Variants in B4GALNT3 observed in about 807,000 individuals in gnomAD.
B4GALNT3 encodes beta-1,4-N-acetylgalactosaminyltransferase 3.
A neutral mutation model predicts 120.2 loss-of-function variants in B4GALNT3; 86 were observed. The observed-to-expected ratio is 0.72, with a 90% CI of 0.60 to 0.86. The LOEUF is 0.86. Ranked by LOEUF, B4GALNT3 falls within the 40% of genes least tolerant of loss-of-function variation. The pLI, the probability that B4GALNT3 is intolerant of heterozygous loss-of-function variation, is 0.00. For missense variants in B4GALNT3, 1,167 were observed against 1,298.9 expected, an observed-to-expected ratio of 0.90 and a Z score of 1.56; for synonymous variants, 518 against 510.4, an observed-to-expected ratio of 1.01 and a Z score of -0.20.
intron 1 of B4GALNT3, among the ~76,000 whole-genome samples, chr12:469,852 A>G (rs1303990345): frequency 1.3e-5 from 2 of 152,068 alleles, no homozygotes; most frequent in South Asian, 2.1e-4. Flanking sequence ...GGGTCTCACT[A>G]TGTTGCTCAG....
rs1382546264 is a variant in B4GALNT3 at position 563,064 on chromosome 12, A to G, written c.*1613A>G. On this transcript the variant is annotated 3_prime_UTR_variant, in exon 20 of 20. Transcript: ENST00000266383. ...AATCCCTGCCTCCCTTTAAGGAATC[A>G]TGAAGGACAGAGACTTTTGAGATTG... is the stretch of plus-strand genomic sequence containing the variant. The G allele has an allele frequency of 6.6e-6, 1 of 152,328 alleles. No homozygotes were observed. The highest frequency in any genetic ancestry group is 1.5e-5 in the Non-Finnish European group (1 of 68,140). 9.4% of individuals were successfully genotyped at this position (152,328 alleles called of 1,614,324 possible). A position where few individuals can be genotyped will look rare whatever the true frequency, so the allele number is the denominator to read the frequency against.
chr12:520,567 T>TCGGCCAGCA (rs1167931296), intron 1 of B4GALNT3, among the ~76,000 whole-genome samples: 1 of 145,642 alleles, frequency 6.9e-6, no homozygotes, highest in Admixed American at 7.0e-5. Context: ...AGTAGTTTAA[T>TCGGCCAGCA]TGGCCATCAT....
At chr12:494,001 G>A (rs1378297976) in intron 1 of B4GALNT3, among the ~76,000 whole-genome samples, 1 of 152,232 alleles carries the variant, frequency 6.6e-6, no homozygotes, top group Non-Finnish European at 1.5e-5. Context: ...CAGGCACAGT[G>A]GCTCATGCTT....
intron 1 of B4GALNT3, among the ~76,000 whole-genome samples, chr12:512,734 CACCTTT>C (rs1946603817): frequency 7.0e-6 from 1 of 142,722 alleles, no homozygotes; most frequent in Non-Finnish European, 1.5e-5. Flanking sequence ...CACCTTCTTC[CACCTTT>C]GACCTTCCAC....
At chr12:511,866 A>T (rs1276660490) in intron 1 of B4GALNT3, among the ~76,000 whole-genome samples, 1 of 19,490 alleles carries the variant, frequency 5.1e-5, no homozygotes, top group Non-Finnish European at 9.0e-5. Flanking sequence ...ACCTTCTTCC[A>T]CCTTCCACCT....
rs1947029569 is a variant in B4GALNT3 at position 548,002 on chromosome 12, T to C, written c.708-22T>C. On this transcript the variant is annotated intron_variant, in intron 7 of 19. Transcript: ENST00000266383. This position sits in a 1 kb window ranked among gnomAD's most constrained non-coding sequence, Gnocchi z 4.9. ...GGGCCCATGGAGATGGCGCTCTGCT[T>C]CCCTGCCCTCTCTCCCGCCAGCCTG... The C allele has an allele frequency of 1.2e-6, 2 of 1,610,436 alleles. No homozygotes were observed. The highest frequency in any genetic ancestry group is 2.7e-5 in the African/African-American group (2 of 74,880).
intron 1 of B4GALNT3, among the ~76,000 whole-genome samples, chr12:466,525 CA>C (rs1427479804): frequency 2.0e-5 from 3 of 152,174 alleles, no homozygotes; most frequent in Non-Finnish European, 4.4e-5. Context: ...CCTTGTGATT[CA>C]CATAATTAAT....
intron 19 of B4GALNT3, among the ~76,000 whole-genome samples, chr12:560,670 G>A (rs534200737): frequency 1.4e-4 from 21 of 152,312 alleles, no homozygotes; most frequent in African/African-American, 5.1e-4. Context: ...TGGAAGCCTT[G>A]ATTTGGGAAG....
intron 7 of B4GALNT3, 52 bp downstream of exon 7, chr12:546,765 C>G: frequency 2.0e-6 from 3 of 1,501,108 alleles, no homozygotes; most frequent in African/African-American, 1.4e-5. Context: ...CTCGGTGGAG[C>G]CCGGCTGCGC....
chr12:511,307 A>C (rs796248460), intron 1 of B4GALNT3, among the ~76,000 whole-genome samples: 4 of 64,120 alleles, frequency 6.2e-5, no homozygotes, highest in Non-Finnish European at 9.4e-5. Context: ...TCCACCTTCC[A>C]CCTTCCGCCT....
chr12:479,915 CTTTT>C (rs55829689), intron 1 of B4GALNT3, among the ~76,000 whole-genome samples: 4 of 105,454 alleles, frequency 3.8e-5, no homozygotes, highest in Non-Finnish European at 3.9e-5. Flanking sequence ...ATGGGGAGTT[CTTTT>C]TTTTTTTTTT....
intron 1 of B4GALNT3, among the ~76,000 whole-genome samples, chr12:492,064 AAAAG>A (rs1304766008): frequency 1.3e-5 from 2 of 151,840 alleles, no homozygotes; most frequent in African/African-American, 4.8e-5. Flanking sequence ...TCAAAAAAAA[AAAAG>A]AACAAGGCAA....
At chr12:529,191 G>A (rs966204161) in intron 1 of B4GALNT3, among the ~76,000 whole-genome samples, 6 of 151,994 alleles carry the variant, frequency 3.9e-5, no homozygotes, top group Non-Finnish European at 5.9e-5. Context: ...AGACCTTTCC[G>A]CATCTCCCCC....
chr12:558,856 G>C (rs1947191193), intron 18 of B4GALNT3, among the ~76,000 whole-genome samples, 195 bp downstream of exon 18: 1 of 151,766 alleles, frequency 6.6e-6, no homozygotes. Context: ...CACAGCAGCA[G>C]GTGCAGCAGT....
chr12:544,450 C>T lies in B4GALNT3; in HGVS notation c.447+16C>T, dbSNP rs1279879728. 1 of 1,609,104 alleles carries T rather than the reference C, an allele frequency of 6.2e-7. No homozygotes were observed. The highest frequency in any genetic ancestry group is 1.3e-5 in the African/African-American group (1 of 74,600). ...GTACCCCCATGTGAGTGCCTGAGGG[C>T]TGCCTTGCCCACCTCCCTCCACACC... On this transcript the variant is annotated intron_variant, in intron 4 of 19. Coordinates refer to ENST00000266383, the MANE Select transcript of B4GALNT3 (RefSeq NM_173593.4).
intron 1 of B4GALNT3, among the ~76,000 whole-genome samples, chr12:495,325 C>T (rs958426793): frequency 1.2e-4 from 19 of 152,152 alleles, no homozygotes; most frequent in Admixed American, 6.5e-4. Context: ...CAGTTGCTCT[C>T]TTTGAGGTTT....
At chr12:462,189 C>T (rs938283653) in intron 1 of B4GALNT3, among the ~76,000 whole-genome samples, 1 of 152,062 alleles carries the variant, frequency 6.6e-6, no homozygotes, top group Non-Finnish European at 1.5e-5. Context: ...GGATGAGCTC[C>T]TTTGGAGTGT....
intron 1 of B4GALNT3, among the ~76,000 whole-genome samples, chr12:471,601 G>T (rs1946136997): frequency 6.6e-6 from 1 of 151,664 alleles, no homozygotes; most frequent in African/African-American, 2.4e-5. Flanking sequence ...CAGCTACTTG[G>T]GAGGCTGAGG....
At chr12:485,804 T>C (rs372079715) in intron 1 of B4GALNT3, among the ~76,000 whole-genome samples, 34 of 152,314 alleles carry the variant, frequency 2.2e-4, no homozygotes, top group African/African-American at 7.5e-4. Context: ...TCTGCCCTTC[T>C]GTCCTAACCA....
Sources: gnomAD v4.1 joint callset for allele counts (sites outside exome capture counted in the v4.1 genomes callset) on GRCh38, gnomAD v4.1.1 for gene constraint, Gnocchi (gnomAD v3.1) non-coding constraint, MANE v1.5 for transcripts, NCBI Gene and HGNC (gene_info 2026-07-23, HGNC 2026-07-21) for gene names.